ZPBP: variants seen among roughly 807,000 people sequenced by gnomAD.
The protein encoded by ZPBP is zona pellucida binding protein.
A neutral mutation model predicts 44.8 loss-of-function variants in ZPBP; 26 were observed. The ratio of observed to expected loss-of-function variants is 0.58; its 90% CI spans 0.43 to 0.81. ZPBP has a LOEUF of 0.81. ZPBP is among the 30% of genes least tolerant of loss of function. The probability of loss-of-function intolerance (pLI) is 0.00; values close to 1 mark genes in which losing one functional copy is unlikely to be tolerated. For missense variants in ZPBP, 409 were observed against 434.0 expected (o/e 0.94, Z 0.51); for synonymous variants, 174 against 153.2 (o/e 1.14, Z -1.00).
chr7:49,866,124 A>G (rs1293666688), intron 2 of ZPBP, among the ~76,000 whole-genome samples: 1 of 152,210 alleles, frequency 6.6e-6, no homozygotes, highest in South Asian at 2.1e-4. Flanking sequence ...GCTCCTTCAT[A>G]TCGCCTCTAA....
chr7:50,066,039 G>A lies in ZPBP; in HGVS notation c.335-7898C>T, dbSNP rs781096433. On this transcript the variant is annotated intron_variant, in intron 3 of 7. Coordinates refer to ENST00000046087, the MANE Select transcript of ZPBP (RefSeq NM_007009.3). ...ATATAAGTGTTGGAGCTGTGTTAGC[G>A]TATTCCACTGAATGTTACAGTCTGG... Among the ~76,000 whole-genome samples, 23 of 151,180 alleles carry A rather than the reference G, an allele frequency of 1.5e-4. 1 individual carries two copies. Among genetic ancestry groups the A allele is most frequent in the Admixed American group, 1.1e-3 (16 of 15,208 alleles).
intron 7 of ZPBP, among the ~76,000 whole-genome samples, chr7:49,964,670 A>G (rs966715267): frequency 6.6e-6 from 1 of 152,130 alleles, no homozygotes; most frequent in Non-Finnish European, 1.5e-5. Context: ...ATGGATATTG[A>G]CAAGCTAACT....
intron 1 of ZPBP, chr7:49,922,018 A>C (rs1470456146): frequency 1.3e-5 from 2 of 152,218 alleles, no homozygotes; most frequent in Non-Finnish European, 2.9e-5. Flanking sequence ...TTGAAAGTAG[A>C]TTAAGCAAGA....
intron 6 of ZPBP, among the ~76,000 whole-genome samples, chr7:49,993,833 A>G (rs1015380691): frequency 7.1e-6 from 1 of 140,412 alleles, no homozygotes; most frequent in African/African-American, 2.7e-5. Context: ...CACCATGGCC[A>G]TGTTGTTCAT....
At chr7:49,934,175 T>C (rs1350838723), downstream of ZPBP, among the ~76,000 whole-genome samples, 1 of 152,144 alleles carries the variant, frequency 6.6e-6, no homozygotes, top group Non-Finnish European at 1.5e-5. Flanking sequence ...GTGTCCTCAT[T>C]GTGGGCTTCA....
intron 4 of ZPBP, among the ~76,000 whole-genome samples, chr7:50,039,769 A>C (rs192565547): frequency 1.0e-3 from 152 of 152,290 alleles, no homozygotes; most frequent in Admixed American, 2.7e-3. Flanking sequence ...TATTTGAAAG[A>C]TACAAAATTA....
At chr7:50,076,678 G>T (rs1332232574) in intron 3 of ZPBP, among the ~76,000 whole-genome samples, 3 of 150,900 alleles carry the variant, frequency 2.0e-5, no homozygotes, top group Non-Finnish European at 4.4e-5. Flanking sequence ...AAACATCTAG[G>T]AATTAACCAA....
intron 4 of ZPBP, among the ~76,000 whole-genome samples, chr7:50,033,678 G>GTTTGTTTGTTTGTTTGTTTATTTA (rs143206693): frequency 2.0e-5 from 3 of 148,824 alleles, no homozygotes; most frequent in Middle Eastern, 3.4e-3. Flanking sequence ...TCTTTCTACA[G>GTTTGTTTGTTTGTTTGTTTATTTA]TTTATTTATT....
chr7:49,915,870 T>G (rs139886356), intron 1 of ZPBP: 3 of 152,310 alleles, frequency 2.0e-5, no homozygotes, highest in African/African-American at 7.2e-5. Flanking sequence ...CATACATGCT[T>G]CTTTGGCCAA....
At chr7:50,037,402 T>C (rs946012067) in intron 4 of ZPBP, among the ~76,000 whole-genome samples, 3 of 152,158 alleles carry the variant, frequency 2.0e-5, no homozygotes, top group Non-Finnish European at 2.9e-5. Flanking sequence ...TAAGACTGGG[T>C]AATTTATTAA....
At chr7:49,944,252 T>C (rs1795007220) in intron 7 of ZPBP, 1 of 363,944 alleles carries the variant, frequency 2.7e-6, no homozygotes, top group Non-Finnish European at 5.2e-6. Context: ...CACCTTTGAT[T>C]GATATTCCAG....
chr7:50,053,132 T>C, intron 4 of ZPBP, among the ~76,000 whole-genome samples: 1 of 152,290 alleles, frequency 6.6e-6, no homozygotes, highest in Middle Eastern at 3.4e-3. Flanking sequence ...TTACATATTG[T>C]AACAAAATCA....
Position 49,894,615 on chromosome 7 carries a change from GCA to G in ZPBP, n.509+6501_509+6502del, listed in dbSNP as rs530162994. On this transcript the variant is annotated intron_variant and non_coding_transcript_variant, in intron 2 of 2. Transcript: ENST00000465922. The stretch of plus-strand genomic sequence containing the variant: ...GAGCTCTAGCTCTGTGCTGCATGCA[GCA>G]CTAGACCCTAGGGTGAGGCTGCAGT... Among the ~76,000 whole-genome samples the G allele has an allele frequency of 3.3e-4, 50 of 152,340 alleles. 1 individual carries two copies. The South Asian group carries it at 0.01, about 32-fold the overall frequency.
At chr7:49,864,486 G>A (rs956464906) in intron 2 of ZPBP, among the ~76,000 whole-genome samples, 9 of 152,140 alleles carry the variant, frequency 5.9e-5, no homozygotes, top group Non-Finnish European at 2.9e-5. Context: ...TAGAATGCCC[G>A]AATATCCCAA....
intron 2 of ZPBP, among the ~76,000 whole-genome samples, chr7:49,891,242 G>C (rs1792116000): frequency 6.6e-6 from 1 of 152,072 alleles, no homozygotes; most frequent in African/African-American, 2.4e-5. Flanking sequence ...AAGGCAAGAA[G>C]CATCTCTTGA....
chr7:49,948,503 G>A (rs11185595), intron 7 of ZPBP, among the ~76,000 whole-genome samples: 118,154 of 151,798 alleles, frequency 0.78, 46,094 homozygotes, highest in East Asian at 0.89. Context: ...TTTTTTTTTT[G>A]AATTTTAAAC....
At chr7:50,017,264 A>G (rs12056080) in intron 6 of ZPBP, among the ~76,000 whole-genome samples, 27,916 of 152,032 alleles carry the variant, frequency 0.18, 3,650 homozygotes, top group East Asian at 0.62. Context: ...GGAATACACA[A>G]TCTAGATCCC....
intron 2 of ZPBP, among the ~76,000 whole-genome samples, chr7:50,088,027 C>A: frequency 6.6e-6 from 1 of 151,946 alleles, no homozygotes; most frequent in Non-Finnish European, 1.5e-5. Context: ...GATTTCAAAA[C>A]TTATTATAAG....
intron 7 of ZPBP, chr7:49,940,737 A>T: frequency 2.0e-6 from 2 of 985,088 alleles, no homozygotes; most frequent in South Asian, 9.4e-5. Flanking sequence ...CTCCTTCCCC[A>T]TGCAGCTCTG....
Sources: gnomAD v4.1 joint callset for allele counts (sites outside exome capture counted in the v4.1 genomes callset) on GRCh38, gnomAD v4.1.1 for gene constraint, MANE v1.5 for transcripts, NCBI Gene and HGNC (gene_info 2026-07-23, HGNC 2026-07-21) for gene names.